VIRMA: variants seen among roughly 807,000 people sequenced by gnomAD.
VIRMA encodes vir like m6A methyltransferase associated.
In VIRMA, 65 loss-of-function variants were observed where a neutral mutation model predicts 182.4. That is an observed-to-expected ratio of 0.36 (90% CI 0.29 to 0.44). The LOEUF is 0.44. Ranked by LOEUF, VIRMA falls within the 20% of genes least tolerant of loss-of-function variation. The probability of loss-of-function intolerance (pLI) is 1.00; values close to 1 mark genes in which losing one functional copy is unlikely to be tolerated. For missense variants in VIRMA, 1,752 were observed against 2,158.1 expected (o/e 0.81, Z 3.73); for synonymous variants, 709 against 743.1 (o/e 0.95, Z 0.75).
In VIRMA at chr8:94,488,451, C is replaced by A. The variant is rs2130246639; in HGVS notation, c.*255G>T. ...TATAGGCAAGAAAAATACAAAACAT[C>A]ATTTAGTTTTTCACCTAGAAATTTT... On this transcript the variant is annotated 3_prime_UTR_variant, in exon 24 of 24. Coordinates refer to ENST00000297591, the MANE Select transcript of VIRMA (RefSeq NM_015496.5). 2 of 347,702 alleles carry A rather than the reference C, an allele frequency of 5.8e-6. No homozygotes were observed. The highest frequency in any genetic ancestry group is 1.1e-5 in the Non-Finnish European group (2 of 190,424). The allele number at this position is 347,702 out of a possible 1,614,324, so 21.5% of individuals were successfully genotyped here.
At chr8:94,515,074 G>T in intron 10 of VIRMA, 123 bp from the exon 11 acceptor site, 1 of 505,498 alleles carries the variant, frequency 2.0e-6, no homozygotes, top group Non-Finnish European at 3.4e-6. Flanking sequence ...TAAACTTCAT[G>T]CAGGGATGGA....
chr8:94,544,880 A>G (rs571621282), intron 1 of VIRMA, among the ~76,000 whole-genome samples: 1 of 152,230 alleles, frequency 6.6e-6, no homozygotes, highest in African/African-American at 2.4e-5. Flanking sequence ...TCAAGGGATC[A>G]GGGAAAGCAT....
chr8:94,492,539 T>G, intron 21 of VIRMA, 113 bp downstream of exon 21: 1 of 761,274 alleles, frequency 1.3e-6, no homozygotes, highest in Non-Finnish European at 2.1e-6. Context: ...CCCAAAATGC[T>G]GGGATTACAG....
rs770482412 is a variant in VIRMA, at chr8:94,509,831, T to C, written c.3736A>G (p.Ile1246Val). 1 of 1,614,068 alleles carries C rather than the reference T, an allele frequency of 6.2e-7. No homozygotes were observed. The highest frequency in any genetic ancestry group is 1.3e-5 in the African/African-American group (1 of 75,046). Residue 1246 changes from isoleucine to valine, a missense_variant, in exon 15 of 24, where the codon ATT (isoleucine) becomes GTT (valine). Coordinates refer to ENST00000297591, the MANE Select transcript of VIRMA (RefSeq NM_015496.5). ...KACKLAILHL[I>V]NGTIKGDERY... ...TCATCACCTTTAATAGTTCCATTAA[T>C]TAGATGCAAAATAGCTAATTTACAA...
At chr8:94,528,852 T>C (rs1373565241) in intron 7 of VIRMA, among the ~76,000 whole-genome samples, 1 of 152,194 alleles carries the variant, frequency 6.6e-6, no homozygotes, top group African/African-American at 2.4e-5. Flanking sequence ...TCAGGCAGTT[T>C]AGGCTGGCTG....
At chr8:94,543,157 C>T (rs1252845531) in intron 2 of VIRMA, among the ~76,000 whole-genome samples, 1 of 151,976 alleles carries the variant, frequency 6.6e-6, no homozygotes, top group Non-Finnish European at 1.5e-5. Context: ...TTCCTCCTGC[C>T]TCGGCCTCTC....
intron 1 of VIRMA, among the ~76,000 whole-genome samples, chr8:94,548,580 TTTAAC>T (rs1416831596): frequency 6.6e-6 from 1 of 151,316 alleles, no homozygotes; most frequent in Non-Finnish European, 1.5e-5. Context: ...TAAATCTGAT[TTTAAC>T]TTAAACAACT....
Position 94,509,876 on chromosome 8 carries a change from C to T in VIRMA, c.3691G>A (p.Ala1231Thr), listed in dbSNP as rs144412105. 11 of 1,613,848 alleles carry T rather than the reference C, an allele frequency of 6.8e-6. No homozygotes were observed. Among genetic ancestry groups the T allele is most frequent in the Admixed American group, 1.7e-5 (1 of 60,014 alleles). Residue 1231 changes from alanine (A) to threonine (T), a missense_variant, in exon 15 of 24, where the codon GCT becomes ACT. Physicochemically the swap from Ala to Thr is moderately conservative, Grantham distance 58. This residue lies in a region of VIRMA where 777 missense variants were observed against 920.6 expected (regional missense o/e 0.84). Transcript: ENST00000297591. ...QTTRLLALLD[A>T]LASHKACKLA... ...TTACAAGCTTTGTGTGAAGCCAGAG[C>T]ATCAAGAAGAGCAAGCAACCTGGTG...
At chr8:94,544,520 G>A (rs1235503501) in intron 1 of VIRMA, among the ~76,000 whole-genome samples, 2 of 151,940 alleles carry the variant, frequency 1.3e-5, no homozygotes, top group African/African-American at 4.8e-5. Flanking sequence ...AATTAGCCGG[G>A]TGCAGTGGCG....
At position 94,519,105 on chromosome 8, in the gene VIRMA, T is replaced by C. The variant is rs750430664; in HGVS notation, c.2393A>G (p.Asn798Ser). The change falls in exon 9 of 24, where the codon AAT becomes AGT. Residue 798 changes from asparagine to serine, a missense_variant. By Grantham distance (46) the Asn-to-Ser change is conservative (BLOSUM62 1). This residue lies in a region of VIRMA where 45 missense variants were observed against 91.0 expected (regional missense o/e 0.49). Coordinates refer to ENST00000297591, the MANE Select transcript of VIRMA (RefSeq NM_015496.5). ...AGGATTAAAAGTAATCAAATAAAGA[T>C]TGTGCAGGGTTCCCAAGAGATCTGA... ...DHSDLLGTLH[N>S]LYLITFNPVG... 4 of 1,613,858 alleles carry C rather than the reference T, an allele frequency of 2.5e-6. No homozygotes were observed. Among genetic ancestry groups the C allele is most frequent in the South Asian group, 1.1e-5 (1 of 90,952 alleles).
intron 15 of VIRMA, among the ~76,000 whole-genome samples, chr8:94,507,924 T>A (rs192353400): frequency 6.7e-6 from 1 of 149,212 alleles, no homozygotes; most frequent in African/African-American, 2.4e-5. Context: ...TGTGTATATA[T>A]GTATGTACAT....
At chr8:94,524,416 T>C (rs1164943950) in intron 8 of VIRMA, among the ~76,000 whole-genome samples, 1 of 152,138 alleles carries the variant, frequency 6.6e-6, no homozygotes, top group Non-Finnish European at 1.5e-5. Flanking sequence ...ATGATTCTCC[T>C]GCCTCAGCCT....
At chr8:94,490,150 A>G (rs916825294) in intron 22 of VIRMA, 68 bp from the exon 23 acceptor site, 3 of 1,494,786 alleles carry the variant, frequency 2.0e-6, no homozygotes, top group Admixed American at 4.3e-5. Context: ...TAAGTGACAG[A>G]TTTTTCTTAA....
intron 2 of VIRMA, among the ~76,000 whole-genome samples, chr8:94,542,317 G>A (rs955816578): frequency 2.6e-5 from 4 of 152,148 alleles, no homozygotes; most frequent in Admixed American, 6.5e-5. Context: ...GTCATGACAC[G>A]AACAAGCCCA....
intron 16 of VIRMA, among the ~76,000 whole-genome samples, chr8:94,501,755 C>T (rs531831775): frequency 2.0e-5 from 3 of 152,098 alleles, no homozygotes; most frequent in South Asian, 4.2e-4. Context: ...CCCAGGAGTT[C>T]GAGACCAGCC....
At chr8:94,519,864 C>T (rs892879899) in intron 8 of VIRMA, among the ~76,000 whole-genome samples, 2 of 152,106 alleles carry the variant, frequency 1.3e-5, no homozygotes, top group Non-Finnish European at 2.9e-5. Flanking sequence ...AGTCAGCACT[C>T]CGCATCTGCA....
In VIRMA at chr8:94,531,104, CAGAAAA is replaced by C. The variant is rs754427667; in HGVS notation, c.485-25_485-20del. ...CCATCAGCTAGTGTTTTATGGGAGA[CAGAAAA>C]AGAACTTTCAAATTACAGATGACCC... is the stretch of plus-strand genomic sequence containing the variant. On this transcript the variant is annotated intron_variant, in intron 5 of 23. Transcript: ENST00000297591. The C allele has an allele frequency of 6.6e-7, 1 of 1,510,408 alleles. No homozygotes were observed. The highest frequency in any genetic ancestry group is 8.8e-7 in the Non-Finnish European group (1 of 1,133,352). The allele number at this position is 1,510,408 out of a possible 1,614,324, so 93.6% of individuals were successfully genotyped here. A position where few individuals can be genotyped will look rare whatever the true frequency, so the allele number is the denominator to read the frequency against.
rs1394615756 is a variant in VIRMA at position 94,511,455 on chromosome 8, T to C, written c.3120A>G (p.Leu1040=). The change falls in exon 13 of 24, where the codon TTA becomes TTG. Residue 1040 remains leucine (L), a synonymous_variant. Transcript: ENST00000297591. ...DMRVPSALVT[L]HMLLCSIPLS... Reference sequence around the variant, plus strand: ...GGGGGATAGAGCACAGGAGCATATGTAAAGTAACAAGCGCTGAAGGAACAC... The same window carrying C: ...GGGGGATAGAGCACAGGAGCATATGCAAAGTAACAAGCGCTGAAGGAACAC... 6.2e-7 allele frequency: 1 copy of C among 1,613,984 alleles called. No homozygotes were observed. Among genetic ancestry groups the C allele is most frequent in the Admixed American group, 1.7e-5 (1 of 59,990 alleles).
intron 1 of VIRMA, among the ~76,000 whole-genome samples, chr8:94,548,806 C>A (rs775161162): frequency 6.6e-6 from 1 of 152,174 alleles, no homozygotes; most frequent in Non-Finnish European, 1.5e-5. Context: ...CAGGCGCATA[C>A]CATCACGCCT....
Sources: allele counts gnomAD v4.1 joint callset (sites outside exome capture counted in the v4.1 genomes callset), GRCh38; gene constraint gnomAD v4.1.1; regional missense constraint gnomAD v4.1.1; transcripts MANE v1.5; gene names NCBI Gene and HGNC (gene_info 2026-07-23, HGNC 2026-07-21).